GABRA1: variants seen among roughly 807,000 people sequenced by gnomAD.
GABRA1 encodes the protein gamma-aminobutyric acid receptor subunit alpha-1.
Under a neutral mutation model 48.9 loss-of-function variants are expected in GABRA1, and 9 were observed. The ratio of observed to expected loss-of-function variants is 0.18; its 90% CI spans 0.11 to 0.32. The LOEUF (loss-of-function observed/expected upper bound fraction) is 0.32. Ranked by LOEUF, GABRA1 falls within the 10% of genes least tolerant of loss-of-function variation. The pLI, the probability that GABRA1 is intolerant of heterozygous loss-of-function variation, is 1.00. For missense variants in GABRA1, 285 were observed against 553.8 expected (o/e 0.51, Z 4.87); for synonymous variants, 210 against 198.7 (o/e 1.06, Z -0.48).
rs1482202663 is a variant in GABRA1 at position 161,897,293 on chromosome 5, C to T, written c.1242C>T (p.Asn414=). The T allele has an allele frequency of 6.2e-7, 1 of 1,614,074 alleles. No individual in the cohort carries two copies. Among genetic ancestry groups the T allele is most frequent in the Non-Finnish European group, 8.5e-7 (1 of 1,180,034 alleles). The change falls in exon 10 of 10, where the codon AAC becomes AAT. Residue 414 remains asparagine (N), a synonymous_variant. Transcript: ENST00000393943. ...CACCAGAACCCAAGAAAACCTTTAA[C>T]AGTGTCAGCAAAATTGACCGACTGT... ...TKPPEPKKTF[N]SVSKIDRLSR... is the part of the protein sequence containing the mutation.
intron 1 of GABRA1, chr5:161,848,869 G>C (rs1241058495): frequency 7.1e-6 from 3 of 421,802 alleles, no homozygotes; most frequent in African/African-American, 6.3e-5. Context: ...CGGAAAACCT[G>C]TCTCACTGTT....
intron 5 of GABRA1, 139 bp from the exon 6 acceptor site, chr5:161,875,421 A>G: frequency 1.4e-6 from 1 of 716,932 alleles, no homozygotes; most frequent in Non-Finnish European, 2.5e-6. Context: ...AGATCATTTG[A>G]TTATTAACAG....
At chr5:161,873,361 C>T in intron 5 of GABRA1, 24 bp downstream of exon 5, 1 of 1,556,488 alleles carries the variant, frequency 6.4e-7, no homozygotes, top group Non-Finnish European at 8.9e-7. Context: ...CACTGCCATT[C>T]ATGAATGTTT....
At chr5:161,888,712 A>G (rs994727658) in intron 7 of GABRA1, among the ~76,000 whole-genome samples, 2 of 152,056 alleles carry the variant, frequency 1.3e-5, no homozygotes, top group East Asian at 1.9e-4. Context: ...ATATTTTAGT[A>G]GTGTTTTGGG....
rs1755498515 is a variant in GABRA1, at chr5:161,898,993, T to C, written c.*1571T>C. The C allele has an allele frequency of 6.6e-6, 1 of 152,582 alleles. No individual in the cohort carries two copies. Among genetic ancestry groups the C allele is most frequent in the African/African-American group, 2.4e-5 (1 of 41,466 alleles). The allele number at this position is 152,582 out of a possible 1,614,324, so 9.5% of individuals were successfully genotyped here. On this transcript the variant is annotated 3_prime_UTR_variant, in exon 10 of 10. Coordinates refer to ENST00000393943, the MANE Select transcript of GABRA1 (RefSeq NM_001127644.2). ...TTATAAAAATTCTAGTCTGTTTCAT[T>C]ACTGCCCAGATGTTTTAGAGATAAA...
intron 5 of GABRA1, among the ~76,000 whole-genome samples, chr5:161,874,140 A>G (rs1046211070): frequency 2.6e-5 from 4 of 152,158 alleles, no homozygotes; most frequent in African/African-American, 9.7e-5. Context: ...AGATTTTTCA[A>G]TTATTTCTTT....
chr5:161,860,200 TTAAC>T (rs1443001336), intron 3 of GABRA1, among the ~76,000 whole-genome samples: 4 of 151,872 alleles, frequency 2.6e-5, no homozygotes, highest in Non-Finnish European at 5.9e-5. Context: ...TCTGATGAAT[TTAAC>T]TGAGCTACCC....
intron 8 of GABRA1, among the ~76,000 whole-genome samples, chr5:161,892,959 G>A (rs1435074292): frequency 2.0e-5 from 3 of 150,062 alleles, no homozygotes; most frequent in East Asian, 3.9e-4. Context: ...AGCCAAGATC[G>A]TGCCACTGCA....
intron 8 of GABRA1, among the ~76,000 whole-genome samples, chr5:161,893,048 T>TAATAATAATAATAAAAAAAA (rs5872733): frequency 1.4e-5 from 2 of 142,010 alleles, no homozygotes; most frequent in South Asian, 2.2e-4. Context: ...ATAATAATAA[T>TAATAATAATAATAAAAAAAA]AAAATAAACA....
chr5:161,897,116 G>A lies in GABRA1; in HGVS notation c.1065G>A (p.Lys355=), dbSNP rs1554087785. The change falls in exon 10 of 10, where the codon AAG becomes AAA. Residue 355 remains lysine (K), a synonymous_variant. Transcript: ENST00000393943. ...ATTGCTCTTTCTTTCTACAGCCAAA[G>A]AAAGTAAAGGATCCTCTTATTAAGA... ...DGKSVVPEKP[K]KVKDPLIKKN... 2 of 1,613,946 alleles carry A rather than the reference G, an allele frequency of 1.2e-6. No individual in the cohort carries two copies. Among genetic ancestry groups the A allele is most frequent in the East Asian group, 4.5e-5 (2 of 44,880 alleles).
intron 8 of GABRA1, among the ~76,000 whole-genome samples, chr5:161,894,971 A>G (rs1205268936): frequency 6.6e-6 from 1 of 152,026 alleles, no homozygotes; most frequent in Non-Finnish European, 1.5e-5. Context: ...TGGTACTGCT[A>G]CTTCTTAGCT....
rs1221326583 is a variant in GABRA1, at chr5:161,897,770, T to C, written c.*348T>C. ...CCTAGGTCATTTGTAGATATATATT[T>C]CCAAATATTCTAAAAAAGATACTGT... On this transcript the variant is annotated 3_prime_UTR_variant, in exon 10 of 10. Transcript: ENST00000393943. 4 of 196,018 alleles carry C rather than the reference T, an allele frequency of 2.0e-5. No homozygotes were observed. Among genetic ancestry groups the C allele is most frequent in the Non-Finnish European group, 4.1e-5 (4 of 96,394 alleles). The allele number at this position is 196,018 out of a possible 1,614,324, so 12.1% of individuals were successfully genotyped here.
At chr5:161,862,434 G>T (rs1263627190) in intron 3 of GABRA1, among the ~76,000 whole-genome samples, 1 of 151,122 alleles carries the variant, frequency 6.6e-6, no homozygotes, top group African/African-American at 2.4e-5. Context: ...GTATTTCCCT[G>T]GATCTTACTA....
chr5:161,876,036 A>G (rs1754336653), intron 6 of GABRA1, among the ~76,000 whole-genome samples: 2 of 152,260 alleles, frequency 1.3e-5, no homozygotes, highest in South Asian at 4.1e-4. Context: ...AAATTCGTTT[A>G]CCAGATTAAA....
In GABRA1 at chr5:161,897,402, G is replaced by GCCC. The variant is rs1755419468; in HGVS notation, c.1354_1356dup (p.Pro452dup). ...TTTAAACAGAGAGCCTCAGCTAAAAGCCCCCACACCACATCAATAGATCTT... is the reference window on the plus strand; with the variant it reads ...TTTAAACAGAGAGCCTCAGCTAAAAGCCCCCCCCACACCACATCAATAGATCTT... On this transcript the variant is annotated inframe_insertion, in exon 10 of 10. Transcript: ENST00000393943. 6.2e-7 allele frequency: 1 copy of GCCC among 1,613,994 alleles called. No homozygotes were observed. The highest frequency in any genetic ancestry group is 1.7e-5 in the Admixed American group (1 of 60,008).
chr5:161,892,978 T>G (rs981768431), intron 8 of GABRA1, among the ~76,000 whole-genome samples: 3 of 146,954 alleles, frequency 2.0e-5, no homozygotes, highest in Non-Finnish European at 4.5e-5. Flanking sequence ...CACTCCAGCC[T>G]GGAGCAACAG....
intron 2 of GABRA1, among the ~76,000 whole-genome samples, chr5:161,852,155 A>G (rs1757469326): frequency 6.6e-6 from 1 of 152,036 alleles, no homozygotes; most frequent in Admixed American, 6.6e-5. Flanking sequence ...TCCAGCTGGG[A>G]AAGCAGAACT....
At chr5:161,863,199 T>G (rs893918913) in intron 3 of GABRA1, among the ~76,000 whole-genome samples, 2 of 151,660 alleles carry the variant, frequency 1.3e-5, no homozygotes, top group African/African-American at 4.8e-5. Flanking sequence ...TATGTAAAAG[T>G]GAGGATGTGG....
intron 4 of GABRA1, among the ~76,000 whole-genome samples, chr5:161,866,393 G>GA (rs1420383809): frequency 3.3e-5 from 5 of 152,000 alleles, no homozygotes; most frequent in African/African-American, 1.2e-4. Context: ...TCTTCTGTCT[G>GA]ATGGGAGTTA....
Sources: gnomAD v4.1 joint callset for allele counts (sites outside exome capture counted in the v4.1 genomes callset) on GRCh38, gnomAD v4.1.1 for gene constraint, MANE v1.5 for transcripts, NCBI Gene and HGNC (gene_info 2026-07-23, HGNC 2026-07-21) for gene names.